Variants in C6 observed in about 807,000 individuals in gnomAD.
C6 encodes complement component C6.
In C6, 101 loss-of-function variants were observed where a neutral mutation model predicts 112.9. The ratio of observed to expected loss-of-function variants is 0.89; its 90% CI spans 0.76 to 1.06. C6 has a LOEUF of 1.06. Ranked by LOEUF, C6 falls within the 50% of genes least tolerant of loss-of-function variation. The pLI is 0.00. For missense variants in C6, 1,202 were observed against 1,104.6 expected, an observed-to-expected ratio of 1.09 and a Z score of -1.25; for synonymous variants, 431 against 384.1, an observed-to-expected ratio of 1.12 and a Z score of -1.43.
At chr5:41,180,617 A>C (rs1384880535) in intron 7 of C6, among the ~76,000 whole-genome samples, 3 of 152,170 alleles carry the variant, frequency 2.0e-5, no homozygotes, top group Non-Finnish European at 4.4e-5. Flanking sequence ...TAACTTTTCA[A>C]GCAGGGAAAA....
intron 1 of C6, 145 bp from the exon 2 acceptor site, chr5:41,203,395 T>C: frequency 1.3e-6 from 1 of 748,940 alleles, no homozygotes; most frequent in South Asian, 1.6e-5. Context: ...ACCTACAAAT[T>C]CACATGCTCG....
intron 17 of C6, among the ~76,000 whole-genome samples, chr5:41,147,656 CT>C (rs1745959827): frequency 6.6e-6 from 1 of 152,170 alleles, no homozygotes; most frequent in African/African-American, 2.4e-5. Flanking sequence ...GCAAAGATTC[CT>C]TTGCATACTT....
At chr5:41,202,328 C>G (rs945086055) in intron 2 of C6, among the ~76,000 whole-genome samples, 20 of 152,088 alleles carry the variant, frequency 1.3e-4, no homozygotes, top group African/African-American at 4.8e-4. Context: ...ATTTGCTGTT[C>G]TTTTTAGGCA....
At chr5:41,213,219 T>C (rs1752054118) in intron 1 of C6, among the ~76,000 whole-genome samples, 157 bp downstream of exon 1, 1 of 152,196 alleles carries the variant, frequency 6.6e-6, no homozygotes, top group African/African-American at 2.4e-5. Flanking sequence ...CCTCTGGTTC[T>C]TTTCAGATTT....
chr5:41,235,520 A>T (rs1467369083), intron 1 of C6, among the ~76,000 whole-genome samples: 1 of 144,858 alleles, frequency 6.9e-6, no homozygotes, highest in Non-Finnish European at 1.5e-5. Context: ...TATTGTGAAT[A>T]ATGCTGCAAT....
chr5:41,210,680 A>G (rs1751843851), intron 1 of C6, among the ~76,000 whole-genome samples: 1 of 152,186 alleles, frequency 6.6e-6, no homozygotes, highest in Non-Finnish European at 1.5e-5. Flanking sequence ...GATCAAAACC[A>G]CAGTGAGATA....
chr5:41,215,828 G>A (rs896248784), upstream of C6, among the ~76,000 whole-genome samples: 2 of 152,024 alleles, frequency 1.3e-5, no homozygotes, highest in Non-Finnish European at 2.9e-5. Context: ...TTTCTGCCAA[G>A]AAAATAACCA....
At chr5:41,157,592 T>A (rs996282614) in intron 13 of C6, among the ~76,000 whole-genome samples, 7 of 152,272 alleles carry the variant, frequency 4.6e-5, no homozygotes, top group Non-Finnish European at 7.4e-5. Flanking sequence ...CAGGTCAAAT[T>A]TGGCCTTTGG....
intron 9 of C6, among the ~76,000 whole-genome samples, chr5:41,166,583 A>G (rs1007609021): frequency 6.6e-6 from 1 of 152,136 alleles, no homozygotes; most frequent in African/African-American, 2.4e-5. Context: ...AATGTGCTAA[A>G]CATGGTATGA....
chr5:41,211,732 T>A (rs116515536), intron 1 of C6, among the ~76,000 whole-genome samples: 1,886 of 152,166 alleles, frequency 0.012, 43 homozygotes, highest in African/African-American at 0.043. Context: ...TTGTTGTTGT[T>A]TTTTTTTCTT....
At chr5:41,223,941 A>G (rs1016613550) in intron 1 of C6, among the ~76,000 whole-genome samples, 4 of 152,136 alleles carry the variant, frequency 2.6e-5, no homozygotes, top group Non-Finnish European at 2.9e-5. Flanking sequence ...GATATTGACA[A>G]TTTTGAACAA....
chr5:41,182,461 C>T (rs1215135868), intron 6 of C6, among the ~76,000 whole-genome samples: 1 of 152,170 alleles, frequency 6.6e-6, no homozygotes, highest in Non-Finnish European at 1.5e-5. Context: ...AGTCTGGTGT[C>T]TGTATTCCAT....
chr5:41,159,089 C>T lies in C6; in HGVS notation c.1849G>A (p.Glu617Lys), dbSNP rs755665447. 56 of 1,613,680 alleles carry T rather than the reference C, an allele frequency of 3.5e-5. 2 individuals carry two copies. In the South Asian group the frequency reaches 5.4e-4, roughly 16 times the overall value. ...TCCCTTACCCGGCCTTACTTGTTTT[C>T]CATGATTGAAAATGTGCAGTCTTCC... is the stretch of plus-strand genomic sequence containing the variant. ...QEEDCTFSIM[E>K]NNGQPCINDD... The change falls in exon 12 of 18, where the codon GAA becomes AAA. Residue 617 changes from glutamate to lysine, a missense_variant. Coordinates refer to ENST00000337836, the MANE Select transcript of C6 (RefSeq NM_000065.5).
In C6 at chr5:41,159,181, G is replaced by A; in HGVS notation, c.1757C>T (p.Thr586Ile). The change falls in exon 12 of 18, where the codon ACC (threonine) becomes ATC (isoleucine). Residue 586 changes from threonine (T) to isoleucine (I), a missense_variant. Coordinates refer to ENST00000337836, the MANE Select transcript of C6 (RefSeq NM_000065.5). ...GGGGGCAGGATTATTGCATTCTCGG[G>A]TTCTCGATCTCTTATAAGTAGCATC... ...TCDATYKRSRTRECNNPAPQR... is the reference protein window; with the variant it reads ...TCDATYKRSRIRECNNPAPQR... The A allele has an allele frequency of 1.2e-6, 2 of 1,613,480 alleles. No homozygotes were observed. The highest frequency in any genetic ancestry group is 1.7e-6 in the Non-Finnish European group (2 of 1,179,728).
intron 1 of C6, among the ~76,000 whole-genome samples, chr5:41,205,803 C>T (rs1751391831): frequency 1.3e-5 from 2 of 152,298 alleles, no homozygotes; most frequent in East Asian, 3.9e-4. Flanking sequence ...GCAGGCATAG[C>T]TGAACAAAAG....
At chr5:41,210,080 G>T (rs1561175440) in intron 1 of C6, among the ~76,000 whole-genome samples, 1 of 152,162 alleles carries the variant, frequency 6.6e-6, no homozygotes, top group Non-Finnish European at 1.5e-5. Flanking sequence ...ACAGCCATCT[G>T]ATCTTTGACA....
chr5:41,151,859 G>GA lies in C6; in HGVS notation c.2291-1835dup, dbSNP rs35572937. Among the ~76,000 whole-genome samples the GA allele has an allele frequency of 8.4e-3, 1,192 of 142,350 alleles. 27 individuals are homozygous for GA. The East Asian group carries it at 0.095, about 11-fold the overall frequency. The allele number at this position is 142,350 out of a possible 152,430, so 93.4% of individuals were successfully genotyped here. A position where few individuals can be genotyped will look rare whatever the true frequency, so the allele number is the denominator to read the frequency against. On this transcript the variant is annotated intron_variant, in intron 15 of 17. Coordinates refer to ENST00000337836, the MANE Select transcript of C6 (RefSeq NM_000065.5). ...CTGCCGAAAGGCCACAGAAGATAAG[G>GA]AAAAAAAAAAAAAGTCCATTAGATT...
At chr5:41,201,823 A>G in intron 2 of C6, 109 bp from the exon 3 acceptor site, 1 of 1,052,730 alleles carries the variant, frequency 9.5e-7, no homozygotes, top group Non-Finnish European at 1.5e-6. Flanking sequence ...AAAGAAAGAA[A>G]ATTTTCATGG....
At chr5:41,209,437 G>A (rs921039456) in intron 1 of C6, among the ~76,000 whole-genome samples, 2 of 152,170 alleles carry the variant, frequency 1.3e-5, no homozygotes, top group Non-Finnish European at 2.9e-5. Context: ...AATTGTCCCT[G>A]TTTGCAGATG....
Sources: gnomAD v4.1 joint callset for allele counts (sites outside exome capture counted in the v4.1 genomes callset) on GRCh38, gnomAD v4.1.1 for gene constraint, MANE v1.5 for transcripts, NCBI Gene and HGNC (gene_info 2026-07-23, HGNC 2026-07-21) for gene names.